The following TJAP1 variants were observed in gnomAD, a reference collection of about 807,000 sequenced individuals.
TJAP1 encodes tight junction-associated protein 1.
In TJAP1, 27 loss-of-function variants were observed where a neutral mutation model predicts 42.0. The ratio of observed to expected loss-of-function variants is 0.64; its 90% CI spans 0.47 to 0.89. TJAP1 has a LOEUF of 0.89. Ranked by LOEUF, TJAP1 falls within the 40% of genes least tolerant of loss-of-function variation. The pLI is 0.00. For missense variants in TJAP1, 712 were observed against 726.9 expected, an observed-to-expected ratio of 0.98 and a Z score of 0.24; for synonymous variants, 257 against 288.4, an observed-to-expected ratio of 0.89 and a Z score of 1.10.
exon 4 of TJAP1, chr6:43,499,030 C>G (rs745481384): frequency 1.2e-6 from 2 of 1,614,140 alleles, no homozygotes; most frequent in South Asian, 2.2e-5. Context: ...GCTAAGAAAC[C>G]CTACCGTAAG....
At chr6:43,488,866 C>G (rs186081268) in intron 2 of TJAP1, among the ~76,000 whole-genome samples, 1 of 152,104 alleles carries the variant, frequency 6.6e-6, no homozygotes, top group Non-Finnish European at 1.5e-5. Flanking sequence ...CATGGGGAGC[C>G]CAGTGTGTAG....
At chr6:43,496,343 C>T (rs1256384947) in intron 2 of TJAP1, among the ~76,000 whole-genome samples, 1 of 152,150 alleles carries the variant, frequency 6.6e-6, no homozygotes, top group Admixed American at 6.5e-5. Context: ...ACCCCGGGCT[C>T]CTCTGGAGGG....
intron 2 of TJAP1, chr6:43,489,582 C>G (rs1787340704): frequency 6.6e-6 from 1 of 152,436 alleles, no homozygotes; most frequent in Non-Finnish European, 1.5e-5. Flanking sequence ...TTCTTACAGC[C>G]TAGCTTTCAG....
chr6:43,485,701 T>C (rs1489201882), intron 2 of TJAP1, among the ~76,000 whole-genome samples: 1 of 152,200 alleles, frequency 6.6e-6, no homozygotes, highest in Non-Finnish European at 1.5e-5. Context: ...GCTTTTTTAC[T>C]GAAGGCCAAG....
At chr6:43,486,300 A>G (rs1194535716) in intron 2 of TJAP1, among the ~76,000 whole-genome samples, 1 of 149,952 alleles carries the variant, frequency 6.7e-6, no homozygotes, top group Non-Finnish European at 1.5e-5. Context: ...TCCCTAAGCA[A>G]TCAGAAAGGG....
chr6:43,502,169 A>T, intron 6 of TJAP1, 114 bp from the exon 7 acceptor site: 1 of 1,000,602 alleles, frequency 1.0e-6, no homozygotes, highest in Non-Finnish European at 1.5e-6. Context: ...CTATTAGAAA[A>T]CTGAAGTTCT....
At chr6:43,480,506 A>G (rs191458355) in intron 2 of TJAP1, among the ~76,000 whole-genome samples, 3 of 152,260 alleles carry the variant, frequency 2.0e-5, no homozygotes, top group East Asian at 1.9e-4. Context: ...TTCATGTATT[A>G]ACTAATTTAA....
chr6:43,482,531 C>T (rs1470855475), intron 2 of TJAP1, among the ~76,000 whole-genome samples: 1 of 152,192 alleles, frequency 6.6e-6, no homozygotes, highest in Non-Finnish European at 1.5e-5. Context: ...TCAGTTTAAA[C>T]GTCACTTCCT....
chr6:43,504,775 A>G (rs1297484832), exon 11 of TJAP1: 1 of 1,612,558 alleles, frequency 6.2e-7, no homozygotes, highest in East Asian at 2.2e-5. Flanking sequence ...CCTGTGAGCT[A>G]CAGGACATGG....
At chr6:43,504,127 T>C (rs1366295966) in intron 10 of TJAP1, 7 of 319,042 alleles carry the variant, frequency 2.2e-5, no homozygotes, top group Non-Finnish European at 4.3e-5. Context: ...TTTTTTTTTT[T>C]TTTTTGAGAC....
intron 8 of TJAP1, 55 bp from the exon 9 acceptor site, chr6:43,503,346 G>T: frequency 7.1e-7 from 1 of 1,400,514 alleles, no homozygotes; most frequent in Non-Finnish European, 1.0e-6. Flanking sequence ...GAGGTGGAGG[G>T]AGAGGAAGGG....
At chr6:43,488,845 A>C (rs563223865) in intron 2 of TJAP1, among the ~76,000 whole-genome samples, 36 of 152,258 alleles carry the variant, frequency 2.4e-4, no homozygotes, top group African/African-American at 8.4e-4. Context: ...CTTGGGCTGT[A>C]GTCAGAGCAA....
rs1278801543 is a variant in TJAP1, at chr6:43,492,088, T to A, written c.-121-5793T>A. ...GCAGGGAGGGGTTGGTTTGCCTGGCTCTTTAGCCCCTTGTTCCTGTGAAGT... is the reference window on the plus strand; with the variant it reads ...GCAGGGAGGGGTTGGTTTGCCTGGCACTTTAGCCCCTTGTTCCTGTGAAGT... On this transcript the variant is annotated intron_variant, in intron 2 of 10. Coordinates refer to ENST00000372449, the Ensembl canonical transcript of TJAP1. This position sits in a 1 kb window ranked among gnomAD's most constrained non-coding sequence, Gnocchi z 4.2. Among the ~76,000 whole-genome samples, 3 of 152,208 alleles carry A rather than the reference T, an allele frequency of 2.0e-5. No individual in the cohort carries two copies. Among genetic ancestry groups the A allele is most frequent in the Non-Finnish European group, 4.4e-5 (3 of 68,046 alleles).
intron 2 of TJAP1, among the ~76,000 whole-genome samples, chr6:43,496,099 G>T (rs1345078739): frequency 1.3e-5 from 2 of 152,212 alleles, no homozygotes; most frequent in South Asian, 2.1e-4. Flanking sequence ...TGGGGGAAGG[G>T]AGCTGGGACC....
At position 43,492,698 on chromosome 6, in the gene TJAP1, T is replaced by G. The variant is rs1412192784; in HGVS notation, c.-121-5183T>G. Among the ~76,000 whole-genome samples the G allele has an allele frequency of 1.3e-5, 2 of 152,042 alleles. No homozygotes were observed. Among genetic ancestry groups the G allele is most frequent in the Non-Finnish European group, 2.9e-5 (2 of 67,976 alleles). On this transcript the variant is annotated intron_variant, in intron 2 of 10. Coordinates refer to ENST00000372449, the Ensembl canonical transcript of TJAP1. This position sits in a 1 kb window ranked among gnomAD's most constrained non-coding sequence, Gnocchi z 4.2. ...GGGGCTGTATTAATGGTGCAAGGAG[T>G]GGGGATCTTCATGAGCAATCCCCAG...
chr6:43,479,051 A>T (rs1784784156), intron 2 of TJAP1, among the ~76,000 whole-genome samples: 1 of 152,210 alleles, frequency 6.6e-6, no homozygotes, highest in African/African-American at 2.4e-5. Context: ...CAGTAGCCAA[A>T]CTAAGCATGG....
intron 10 of TJAP1, 114 bp from the exon 11 acceptor site, chr6:43,504,644 TAGC>T: frequency 7.7e-7 from 1 of 1,298,970 alleles, no homozygotes; most frequent in Non-Finnish European, 1.1e-6. Flanking sequence ...GAACAGGAGA[TAGC>T]AGAGTGCTGA....
At chr6:43,490,302 G>A (rs1051166349) in intron 2 of TJAP1, among the ~76,000 whole-genome samples, 3 of 152,138 alleles carry the variant, frequency 2.0e-5, no homozygotes, top group Non-Finnish European at 1.5e-5. Flanking sequence ...AGTCAGCAGC[G>A]TGCTCTTCAC....
At position 43,491,306 on chromosome 6, in the gene TJAP1, T is replaced by C. The variant is rs1392896629; in HGVS notation, c.-121-6575T>C. On this transcript the variant is annotated intron_variant, in intron 2 of 10. Coordinates refer to ENST00000372449, the Ensembl canonical transcript of TJAP1. The surrounding 1 kb of genome is among the most constrained non-coding windows in gnomAD (Gnocchi z 4.6). ...ATCTGTTTGTTTTTTTGGGTTTTTT[T>C]TGAGACAGAGTTTCGCTCTTGTTGC... Among the ~76,000 whole-genome samples the C allele has an allele frequency of 1.3e-5, 2 of 152,196 alleles. No individual in the cohort carries two copies. Among genetic ancestry groups the C allele is most frequent in the African/African-American group, 4.8e-5 (2 of 41,446 alleles).
Sources: allele counts gnomAD v4.1 joint callset (sites outside exome capture counted in the v4.1 genomes callset), GRCh38; gene constraint gnomAD v4.1.1; non-coding constraint Gnocchi (gnomAD v3.1); transcripts MANE v1.5; gene names NCBI Gene and HGNC (gene_info 2026-07-23, HGNC 2026-07-21).